UBE3B: variants seen among roughly 807,000 people sequenced by gnomAD.
The protein encoded by UBE3B is ubiquitin-protein ligase E3B.
Under a neutral mutation model 132.3 loss-of-function variants are expected in UBE3B, and 80 were observed. That is an observed-to-expected ratio of 0.60 (90% CI 0.50 to 0.73). The LOEUF is 0.73. Ranked by LOEUF, UBE3B falls within the 30% of genes least tolerant of loss-of-function variation. The pLI, the probability that UBE3B is intolerant of heterozygous loss-of-function variation, is 0.00. For synonymous variants in UBE3B, 487 were observed against 520.4 expected (o/e 0.94, Z 0.87); for missense variants, 1,196 against 1,362.5 (o/e 0.88, Z 1.92).
intron 18 of UBE3B, among the ~76,000 whole-genome samples, chr12:109,515,285 A>T (rs1466837149): frequency 6.6e-6 from 1 of 152,142 alleles, no homozygotes; most frequent in Non-Finnish European, 1.5e-5. Context: ...AATAGAGTTA[A>T]CATAATAATT....
intron 15 of UBE3B, chr12:109,508,837 C>A: frequency 1.3e-6 from 1 of 788,824 alleles, no homozygotes; most frequent in Non-Finnish European, 1.5e-6. Flanking sequence ...TATTCATTTA[C>A]TCACAAATGC....
Position 109,534,821 on chromosome 12 carries a change from C to T in UBE3B, c.*39C>T. On this transcript the variant is annotated 3_prime_UTR_variant, in exon 28 of 28. Transcript: ENST00000342494. This position sits in a 1 kb window ranked among gnomAD's most constrained non-coding sequence, Gnocchi z 5.2. Reference sequence around the variant, plus strand: ...CCTGCCTCCAGGGCTCCTGGGCTGCCAGGGACCTTCAGCTCCCAGAGGCAG... The same window carrying T: ...CCTGCCTCCAGGGCTCCTGGGCTGCTAGGGACCTTCAGCTCCCAGAGGCAG... The T allele has an allele frequency of 6.8e-7, 1 of 1,460,838 alleles. No individual in the cohort carries two copies. The highest frequency in any genetic ancestry group is 2.4e-5 in the Admixed American group (1 of 40,868). The allele number at this position is 1,460,838 out of a possible 1,614,324, so 90.5% of individuals were successfully genotyped here.
chr12:109,506,528 TAGTAGAG>T (rs1879706329), intron 14 of UBE3B, among the ~76,000 whole-genome samples: 3 of 152,184 alleles, frequency 2.0e-5, no homozygotes, highest in African/African-American at 7.2e-5. Flanking sequence ...TTGTATTTTT[TAGTAGAG>T]ACAGTGTTTC....
At position 109,522,382 on chromosome 12, in the gene UBE3B, G is replaced by A. The variant is rs898346966; in HGVS notation, c.2364+831G>A. ...GGACCACCTTCAGTGGGAAGTCACC[G>A]CCTGTTCCTTGGGAGAGTCCTGTTT... On this transcript the variant is annotated intron_variant, in intron 21 of 27. Transcript: ENST00000342494. This position sits in a 1 kb window ranked among gnomAD's most constrained non-coding sequence, Gnocchi z 4.2. Among the ~76,000 whole-genome samples, 4 of 152,180 alleles carry A rather than the reference G, an allele frequency of 2.6e-5. No homozygotes were observed. Among genetic ancestry groups the A allele is most frequent in the African/African-American group, 9.7e-5 (4 of 41,438 alleles).
chr12:109,496,941 C>A (rs1360070444), intron 9 of UBE3B, among the ~76,000 whole-genome samples: 2 of 152,078 alleles, frequency 1.3e-5, no homozygotes, highest in African/African-American at 2.4e-5. Context: ...AGTGTGATAA[C>A]CTCAGAAATC....
chr12:109,501,225 T>C (rs1878943364), intron 12 of UBE3B, 146 bp from the exon 13 acceptor site: 1 of 1,022,980 alleles, frequency 9.8e-7, no homozygotes, highest in South Asian at 1.4e-5. Context: ...TTAGTTCCAC[T>C]TTTTATTTTT....
the UBE3B span, among the ~76,000 whole-genome samples, chr12:109,545,268 C>T: frequency 6.6e-6 from 1 of 152,186 alleles, no homozygotes; most frequent in Non-Finnish European, 1.5e-5. Context: ...AGCCGGGCCC[C>T]GCCCAGGAAG....
At chr12:109,514,164 C>T (rs1021649931) in intron 18 of UBE3B, among the ~76,000 whole-genome samples, 1 of 152,212 alleles carries the variant, frequency 6.6e-6, no homozygotes, top group Non-Finnish European at 1.5e-5. Flanking sequence ...ATGTGTGACT[C>T]ATCCCCTGGC....
chr12:109,532,386 CTT>C lies in UBE3B; in HGVS notation c.2923-1076_2923-1075del, dbSNP rs1241213688. Among the ~76,000 whole-genome samples the C allele has an allele frequency of 5.9e-5, 9 of 152,300 alleles. 1 individual carries two copies. In the South Asian group the frequency reaches 1.9e-3, roughly 32 times the overall value. ...AATAGGAATAGATCTTGTTAATACT[CTT>C]TTTAAAACTTTTTTTGATGCCCGAC... On this transcript the variant is annotated intron_variant, in intron 26 of 27. Coordinates refer to ENST00000342494, the MANE Select transcript of UBE3B (RefSeq NM_130466.4).
At chr12:109,540,617 T>C (rs1883590927), downstream of UBE3B, among the ~76,000 whole-genome samples, 1 of 152,214 alleles carries the variant, frequency 6.6e-6, no homozygotes, top group Non-Finnish European at 1.5e-5. Context: ...AAGACACTTG[T>C]CGGAATGGCA....
At position 109,521,524 on chromosome 12, in the gene UBE3B, G is replaced by A. The variant is rs1393712152; in HGVS notation, c.2337G>A (p.Gly779=). The A allele has an allele frequency of 1.2e-6, 2 of 1,600,560 alleles. No individual in the cohort carries two copies. Among genetic ancestry groups the A allele is most frequent in the African/African-American group, 2.7e-5 (2 of 74,686 alleles). ...ACCTGCAGCTCTTCGAGTTTGTGGG[G>A]AAGATGCTGGGGAAGGCTGTGTATG... ...ENYLQLFEFV[G]KMLGKAVYEG... Residue 779 remains glycine (G), a synonymous_variant, in exon 21 of 28, where the codon GGG becomes GGA. Coordinates refer to ENST00000342494, the MANE Select transcript of UBE3B (RefSeq NM_130466.4). This position sits in a 1 kb window ranked among gnomAD's most constrained non-coding sequence, Gnocchi z 4.2.
intron 9 of UBE3B, among the ~76,000 whole-genome samples, chr12:109,493,255 G>T (rs1228224217): frequency 6.6e-6 from 1 of 152,230 alleles, no homozygotes; most frequent in African/African-American, 2.4e-5. Flanking sequence ...CAGCAGCATT[G>T]CCCACTGTCC....
At chr12:109,508,231 A>G (rs78953391) in intron 15 of UBE3B, among the ~76,000 whole-genome samples, 2,001 of 152,350 alleles carry the variant, frequency 0.013, 34 homozygotes, top group African/African-American at 0.041. Context: ...TAATTATTGC[A>G]AAGTGCTTAT....
chr12:109,494,170 T>TA (rs1877862709), intron 9 of UBE3B, among the ~76,000 whole-genome samples: 1 of 152,138 alleles, frequency 6.6e-6, no homozygotes, highest in Admixed American at 6.5e-5. Flanking sequence ...CCAGAGAAGT[T>TA]AAACTGTTTG....
intron 26 of UBE3B, among the ~76,000 whole-genome samples, chr12:109,531,065 G>C (rs928488969): frequency 1.3e-5 from 2 of 152,056 alleles, no homozygotes; most frequent in African/African-American, 4.8e-5. Flanking sequence ...TGTTCCTCCA[G>C]TATGGAATTG....
intron 13 of UBE3B, among the ~76,000 whole-genome samples, chr12:109,502,016 A>G (rs942269833): frequency 3.9e-5 from 6 of 152,170 alleles, no homozygotes; most frequent in African/African-American, 1.4e-4. Context: ...AAGTTCATAT[A>G]TAGCAAAACA....
chr12:109,507,576 T>G lies in UBE3B; in HGVS notation c.1463T>G (p.Leu488Arg). 1 of 1,613,858 alleles carries G rather than the reference T, an allele frequency of 6.2e-7. No homozygotes were observed. Among genetic ancestry groups the G allele is most frequent in the Non-Finnish European group, 8.5e-7 (1 of 1,179,880 alleles). ...RLQILTGLTY[L>R]DDLLPKLWAF... ...GTGTTTTTTCCAGGTCTCACTTACC[T>G]TGATGACCTGCTTCCCAAACTGTGG... The change falls in exon 15 of 28, where the codon CTT becomes CGT. Residue 488 changes from leucine (L) to arginine (R), a missense_variant. Leu to Arg is a moderately radical substitution (Grantham distance 102). Coordinates refer to ENST00000342494, the MANE Select transcript of UBE3B (RefSeq NM_130466.4).
At chr12:109,539,899 C>A (rs1592986693), downstream of UBE3B, among the ~76,000 whole-genome samples, 2 of 152,150 alleles carry the variant, frequency 1.3e-5, no homozygotes, top group South Asian at 4.2e-4. Flanking sequence ...TTCCATCATG[C>A]TTTTCTTACC....
intron 9 of UBE3B, 52 bp from the exon 10 acceptor site, chr12:109,497,766 T>C: frequency 6.3e-7 from 1 of 1,576,782 alleles, no homozygotes; most frequent in Non-Finnish European, 8.7e-7. Context: ...TGTGCTTTTG[T>C]TCTGGATGCA....
Sources: gnomAD v4.1 joint callset for allele counts (sites outside exome capture counted in the v4.1 genomes callset) on GRCh38, gnomAD v4.1.1 for gene constraint, Gnocchi (gnomAD v3.1) non-coding constraint, MANE v1.5 for transcripts, NCBI Gene and HGNC (gene_info 2026-07-23, HGNC 2026-07-21) for gene names.